Variants in RGS7 observed in about 807,000 individuals in gnomAD.
RGS7 encodes regulator of G protein signaling 7.
Under a neutral mutation model 81.1 loss-of-function variants are expected in RGS7, and 27 were observed. The ratio of observed to expected loss-of-function variants is 0.33; its 90% CI spans 0.25 to 0.46. The LOEUF is 0.46. Among genes scored for constraint, RGS7 ranks in the 20% least tolerant of loss-of-function variants. The pLI, the probability that RGS7 is intolerant of heterozygous loss-of-function variation, is 1.00. For missense variants in RGS7, 396 were observed against 607.4 expected (o/e 0.65, Z 3.66); for synonymous variants, 208 against 207.7 (o/e 1.00, Z -0.01).
intron 2 of RGS7, among the ~76,000 whole-genome samples, chr1:241,302,376 C>T (rs1165569246): frequency 2.0e-5 from 3 of 152,230 alleles, no homozygotes; most frequent in Middle Eastern, 3.4e-3. Context: ...AGTGAAACCC[C>T]GTTTCTACTA....
At chr1:240,929,963 A>G (rs2148340998) in intron 6 of RGS7, among the ~76,000 whole-genome samples, 1 of 152,364 alleles carries the variant, frequency 6.6e-6, no homozygotes, top group Non-Finnish European at 1.5e-5. Context: ...CAATGAACTC[A>G]GTCCCCTTTG....
At chr1:240,776,271 C>A (rs1454312363) in intron 18 of RGS7, 58 bp from the exon 19 acceptor site, 3 of 1,287,012 alleles carry the variant, frequency 2.3e-6, no homozygotes. Context: ...TCACTGAAAA[C>A]CTGCTTAGTA....
At chr1:240,988,543 C>T (rs187494164) in intron 3 of RGS7, among the ~76,000 whole-genome samples, 1 of 152,132 alleles carries the variant, frequency 6.6e-6, no homozygotes, top group East Asian at 1.9e-4. Context: ...AATTTCTCCA[C>T]AATCTTTCCA....
At chr1:241,330,116 T>C (rs763370189) in intron 2 of RGS7, among the ~76,000 whole-genome samples, 35 of 152,268 alleles carry the variant, frequency 2.3e-4, no homozygotes, top group Non-Finnish European at 4.3e-4. Flanking sequence ...ATTTTTTGTA[T>C]TTTTAGCAGA....
chr1:240,817,440 A>C (rs1691001785), intron 10 of RGS7, among the ~76,000 whole-genome samples: 1 of 152,132 alleles, frequency 6.6e-6, no homozygotes, highest in Non-Finnish European at 1.5e-5. Context: ...GCCCGTCACC[A>C]AGCTTGCCAA....
intron 6 of RGS7, among the ~76,000 whole-genome samples, chr1:240,899,552 T>G (rs1669639832): frequency 6.6e-6 from 1 of 152,208 alleles, no homozygotes; most frequent in Admixed American, 6.5e-5. Context: ...GAAGCTTAGT[T>G]TGGCTGCATA....
chr1:241,276,729 A>G (rs1405194389), intron 2 of RGS7, among the ~76,000 whole-genome samples: 4 of 152,256 alleles, frequency 2.6e-5, no homozygotes, highest in Non-Finnish European at 4.4e-5. Flanking sequence ...GGGACTTAAA[A>G]TGTACTACCT....
chr1:240,981,911 G>A (rs1684969336), intron 4 of RGS7, among the ~76,000 whole-genome samples: 1 of 152,138 alleles, frequency 6.6e-6, no homozygotes, highest in African/African-American at 2.4e-5. Flanking sequence ...ACCAGAGGCA[G>A]GAACCACAGC....
intron 3 of RGS7, among the ~76,000 whole-genome samples, chr1:241,020,657 A>C (rs1033792524): frequency 6.6e-6 from 1 of 152,200 alleles, no homozygotes; most frequent in East Asian, 1.9e-4. Flanking sequence ...TCAATCTTCT[A>C]TAATGTATTA....
chr1:241,187,034 C>T (rs190325699), intron 2 of RGS7, among the ~76,000 whole-genome samples: 14 of 152,036 alleles, frequency 9.2e-5, no homozygotes, highest in Admixed American at 3.3e-4. Flanking sequence ...GAATGCCAAA[C>T]GAGAATAGAT....
chr1:241,319,479 T>A (rs1215965909), intron 2 of RGS7, among the ~76,000 whole-genome samples: 1 of 152,184 alleles, frequency 6.6e-6, no homozygotes, highest in Non-Finnish European at 1.5e-5. Flanking sequence ...CAAGTTTACA[T>A]AATGATTGTG....
At chr1:240,878,001 T>C (rs886829936) in intron 6 of RGS7, among the ~76,000 whole-genome samples, 18 of 152,058 alleles carry the variant, frequency 1.2e-4, no homozygotes, top group Non-Finnish European at 1.9e-4. Flanking sequence ...ATCTCATCTC[T>C]CTCTAGGAAA....
Position 241,016,346 on chromosome 1 carries a change from T to C in RGS7, c.176-33217A>G, listed in dbSNP as rs188092360. On this transcript the variant is annotated intron_variant, in intron 3 of 18. Transcript: ENST00000440928. Reference sequence around the variant, plus strand: ...CATCCTGGCCAACATCGTGAGACCCTGTCTCTACTAAAAATACAAAAATTA... The same window carrying C: ...CATCCTGGCCAACATCGTGAGACCCCGTCTCTACTAAAAATACAAAAATTA... Among the ~76,000 whole-genome samples, 120 of 152,096 alleles carry C rather than the reference T, an allele frequency of 7.9e-4. 1 individual carries two copies. Among genetic ancestry groups the C allele is most frequent in the South Asian group, 6.8e-3 (33 of 4,820 alleles).
intron 6 of RGS7, among the ~76,000 whole-genome samples, chr1:240,898,782 G>A (rs12752041): frequency 0.13 from 19,463 of 152,214 alleles, 1,361 homozygotes; most frequent in Middle Eastern, 0.18. Flanking sequence ...GGAGAATTCC[G>A]TAGATGTCTA....
At chr1:240,940,607 C>A (rs111245049) in intron 4 of RGS7, among the ~76,000 whole-genome samples, 1 of 152,030 alleles carries the variant, frequency 6.6e-6, no homozygotes, top group African/African-American at 2.4e-5. Context: ...AGGAAATCTG[C>A]GGAGTATAGA....
At chr1:240,959,737 T>C (rs931984464) in intron 4 of RGS7, among the ~76,000 whole-genome samples, 2 of 152,350 alleles carry the variant, frequency 1.3e-5, no homozygotes, top group South Asian at 2.1e-4. Context: ...ATACATAAGA[T>C]GATAAAAAAT....
In RGS7 at chr1:240,933,229, G is replaced by C. The variant is rs1410954333; in HGVS notation, c.334-2461C>G. 2.6e-5 allele frequency among the ~76,000 whole-genome samples: 4 copies of C among 151,496 alleles called. No homozygotes were observed. The South Asian group carries it at 6.2e-4, about 24-fold the overall frequency. On this transcript the variant is annotated intron_variant, in intron 5 of 18. Coordinates refer to ENST00000440928, the MANE Select transcript of RGS7 (RefSeq NM_001364886.1). ...CTTACGGAGTGCATTGTTCCCTCTGGGTAGTTTCTATATTTTGGGGAGTAT... is the reference window on the plus strand; with the variant it reads ...CTTACGGAGTGCATTGTTCCCTCTGCGTAGTTTCTATATTTTGGGGAGTAT...
At chr1:241,034,660 A>C (rs1162608210) in intron 3 of RGS7, among the ~76,000 whole-genome samples, 1 of 152,230 alleles carries the variant, frequency 6.6e-6, no homozygotes, top group Non-Finnish European at 1.5e-5. Context: ...ATATAACAGA[A>C]TGCAAGTAGA....
rs115734193 is a variant in RGS7, at chr1:241,251,058, C to T, written c.78+104641G>A. On this transcript the variant is annotated intron_variant, in intron 2 of 18. Transcript: ENST00000440928. The stretch of plus-strand genomic sequence containing the variant: ...AACAGGTCAAAGCCATCTTTCACGG[C>T]ATATTTTCAAACCTTCTGTTTTCGC... 9.5e-3 allele frequency among the ~76,000 whole-genome samples: 1,447 copies of T among 152,338 alleles called. 37 individuals carry two copies. The highest frequency in any genetic ancestry group is 0.034 in the African/African-American group (1,395 of 41,566).
Sources: allele counts gnomAD v4.1 joint callset (sites outside exome capture counted in the v4.1 genomes callset), GRCh38; gene constraint gnomAD v4.1.1; transcripts MANE v1.5; gene names NCBI Gene and HGNC (gene_info 2026-07-23, HGNC 2026-07-21).